Variants in PRKCH observed in about 807,000 individuals in gnomAD.
PRKCH encodes the protein protein kinase C eta type.
In PRKCH, 28 loss-of-function variants were observed where a neutral mutation model predicts 82.5. That is an observed-to-expected ratio of 0.34 (90% confidence interval 0.25 to 0.47). The LOEUF is 0.47. Ranked by LOEUF, PRKCH falls within the 20% of genes least tolerant of loss-of-function variation. The pLI is 1.00. For missense variants in PRKCH, 705 were observed against 881.8 expected, an observed-to-expected ratio of 0.80 and a Z score of 2.54; for synonymous variants, 322 against 327.4, an observed-to-expected ratio of 0.98 and a Z score of 0.18.
Position 61,322,372 on chromosome 14 carries a change from C to A in PRKCH, c.271C>A (p.Pro91Thr). ...HLELAVFHETPLGYDHFVANC... is the reference protein window; with the variant it reads ...HLELAVFHETTLGYDHFVANC... ...CGAGTTGGCCGTCTTCCACGAGACGCCCCTGGGCTACGACCACTTCGTGGC... is the reference window on the plus strand; with the variant it reads ...CGAGTTGGCCGTCTTCCACGAGACGACCCTGGGCTACGACCACTTCGTGGC... Residue 91 changes from proline to threonine, a missense_variant, in exon 1 of 14, where the codon CCC becomes ACC. Pro to Thr is a conservative substitution (Grantham distance 38). This residue lies in a region of PRKCH where 246 missense variants were observed against 308.0 expected (regional missense o/e 0.80). Transcript: ENST00000332981. The A allele has an allele frequency of 3.1e-6, 5 of 1,613,316 alleles. No individual in the cohort carries two copies. Among genetic ancestry groups the A allele is most frequent in the Non-Finnish European group, 4.2e-6 (5 of 1,179,864 alleles).
intron 2 of PRKCH, among the ~76,000 whole-genome samples, chr14:61,418,381 A>G (rs1176944857): frequency 6.6e-6 from 1 of 152,226 alleles, no homozygotes; most frequent in African/African-American, 2.4e-5. Flanking sequence ...CATCAAAATA[A>G]ATTTTAGCAC....
intron 12 of PRKCH, among the ~76,000 whole-genome samples, chr14:61,541,257 A>C (rs895620427): frequency 6.6e-6 from 1 of 152,264 alleles, no homozygotes; most frequent in African/African-American, 2.4e-5. Flanking sequence ...AGCATCCTTC[A>C]GACAGACACG....
chr14:61,359,241 T>G (rs564291394), intron 1 of PRKCH, among the ~76,000 whole-genome samples: 1 of 152,334 alleles, frequency 6.6e-6, no homozygotes, highest in Admixed American at 6.5e-5. Context: ...GGGGCAGTGC[T>G]GCGTATCAGA....
In PRKCH at chr14:61,196,324, AG is replaced by A. The variant is rs112407537; in HGVS notation, c.-19+8657del. On this transcript the variant is annotated intron_variant, in intron 1 of 3. Transcript: ENST00000555185. ...GTGGAAATATGATTGCTGAAGGGAC[AG>A]CTGTACCAAGAGACAATGGATTGAT... Among the ~76,000 whole-genome samples the A allele has an allele frequency of 3.8e-3, 585 of 152,318 alleles. 4 individuals are homozygous for A. Among genetic ancestry groups the A allele is most frequent in the African/African-American group, 0.013 (552 of 41,562 alleles).
chr14:61,517,145 A>G (rs1162928969), intron 10 of PRKCH, among the ~76,000 whole-genome samples: 1 of 152,192 alleles, frequency 6.6e-6, no homozygotes, highest in Non-Finnish European at 1.5e-5. Flanking sequence ...AACAGTTTGC[A>G]TATAGCCAAT....
chr14:61,304,287 C>A (rs369571436), intron 1 of PRKCH: 1 of 151,966 alleles, frequency 6.6e-6, no homozygotes, highest in Non-Finnish European at 1.5e-5. Context: ...GAGAGTCCTA[C>A]AATATATTTG....
Position 61,362,414 on chromosome 14 carries a change from T to C in PRKCH, c.364-28811T>C, listed in dbSNP as rs539139008. The stretch of plus-strand genomic sequence containing the variant: ...ACTAGGAAATTCAAAGGATTATTTA[T>C]TGGCAAACAGCAAAACCCTTGATTA... On this transcript the variant is annotated intron_variant, in intron 1 of 13. Coordinates refer to ENST00000332981, the MANE Select transcript of PRKCH (RefSeq NM_006255.5). Among the ~76,000 whole-genome samples the C allele has an allele frequency of 4.6e-5, 7 of 152,084 alleles. No individual in the cohort carries two copies. The South Asian group carries it at 1.3e-3, about 27-fold the overall frequency.
chr14:61,420,507 C>G (rs757577330), intron 2 of PRKCH, among the ~76,000 whole-genome samples: 1 of 152,236 alleles, frequency 6.6e-6, no homozygotes, highest in African/African-American at 2.4e-5. Context: ...CAGCTTCAGT[C>G]TGTCTCCCCG....
At chr14:61,475,081 T>C (rs907469841) in intron 9 of PRKCH, among the ~76,000 whole-genome samples, 3 of 152,186 alleles carry the variant, frequency 2.0e-5, no homozygotes, top group African/African-American at 7.2e-5. Flanking sequence ...AGAAATGAAA[T>C]TGTGGTTGTC....
chr14:61,449,856 G>GTCTCTCTCTCTCTCTC (rs149977373), intron 5 of PRKCH, among the ~76,000 whole-genome samples: 58 of 142,392 alleles, frequency 4.1e-4, no homozygotes, highest in African/African-American at 1.6e-3. Flanking sequence ...CAGGGAAGAT[G>GTCTCTCTCTCTCTCTC]TCTCTCTCTC....
chr14:61,470,075 C>G (rs1594741501), intron 9 of PRKCH, among the ~76,000 whole-genome samples: 1 of 151,254 alleles, frequency 6.6e-6, no homozygotes, highest in African/African-American at 2.4e-5. Context: ...CAGACAGGCT[C>G]AGAGCCGTCA....
chr14:61,195,757 C>T (rs2044436843), intron 1 of PRKCH, among the ~76,000 whole-genome samples: 1 of 152,160 alleles, frequency 6.6e-6, no homozygotes, highest in South Asian at 2.1e-4. Flanking sequence ...CACCTTCTTA[C>T]TATGTTGTCA....
intron 1 of PRKCH, among the ~76,000 whole-genome samples, chr14:61,293,451 C>T (rs1177532241): frequency 6.6e-6 from 1 of 152,228 alleles, no homozygotes. Flanking sequence ...ACACAGCCCA[C>T]CTCTGGCTGA....
At chr14:61,481,299 A>AC (rs1228475349) in intron 9 of PRKCH, among the ~76,000 whole-genome samples, 4 of 152,158 alleles carry the variant, frequency 2.6e-5, no homozygotes, top group African/African-American at 7.2e-5. Context: ...AAGCCTGCGC[A>AC]CCAGGCTCCA....
At chr14:61,256,482 C>T (rs925362269) in intron 1 of PRKCH, among the ~76,000 whole-genome samples, 6 of 152,122 alleles carry the variant, frequency 3.9e-5, no homozygotes, top group African/African-American at 1.4e-4. Flanking sequence ...AGACAATGCT[C>T]GTCTATGCGA....
At chr14:61,308,720 C>G (rs944602234) in intron 1 of PRKCH, among the ~76,000 whole-genome samples, 1 of 152,174 alleles carries the variant, frequency 6.6e-6, no homozygotes, top group Non-Finnish European at 1.5e-5. Flanking sequence ...CCTCAAACTG[C>G]TGGGCTCAAG....
intron 1 of PRKCH, among the ~76,000 whole-genome samples, chr14:61,340,487 C>G (rs2045918164): frequency 6.6e-6 from 1 of 152,128 alleles, no homozygotes; most frequent in South Asian, 2.1e-4. Context: ...GCCCATATGC[C>G]AAGGACTTCC....
chr14:61,474,418 T>C (rs950937567), intron 9 of PRKCH, among the ~76,000 whole-genome samples: 3 of 152,208 alleles, frequency 2.0e-5, no homozygotes, highest in African/African-American at 7.2e-5. Flanking sequence ...TCTGCAACTT[T>C]CTTCCTTAAT....
intron 10 of PRKCH, among the ~76,000 whole-genome samples, chr14:61,518,771 G>T (rs935153598): frequency 6.6e-6 from 1 of 152,130 alleles, no homozygotes; most frequent in African/African-American, 2.4e-5. Flanking sequence ...CTAGTCTATG[G>T]GAATTAGTTT....
Sources: allele counts gnomAD v4.1 joint callset (sites outside exome capture counted in the v4.1 genomes callset), GRCh38; gene constraint gnomAD v4.1.1; regional missense constraint gnomAD v4.1.1; transcripts MANE v1.5; gene names NCBI Gene and HGNC (gene_info 2026-07-23, HGNC 2026-07-21).